The following UVRAG variants were observed in gnomAD, a reference collection of about 807,000 sequenced individuals.
UVRAG encodes the protein UV radiation resistance-associated gene protein.
UVRAG carries 19 observed loss-of-function variants against 78.0 expected under a neutral mutation model. The observed-to-expected ratio is 0.24, with a 90% CI of 0.17 to 0.36. The LOEUF is 0.36. Among genes scored for constraint, UVRAG ranks in the 10% least tolerant of loss-of-function variants. UVRAG has a pLI of 1.00. For missense variants in UVRAG, 740 were observed against 853.8 expected, an observed-to-expected ratio of 0.87 and a Z score of 1.66; for synonymous variants, 323 against 324.6, an observed-to-expected ratio of 1.00 and a Z score of 0.05.
chr11:75,965,115 T>C (rs2135216356), intron 7 of UVRAG, among the ~76,000 whole-genome samples: 1 of 152,172 alleles, frequency 6.6e-6, no homozygotes, highest in South Asian at 2.1e-4. Context: ...AGTTTGTCAA[T>C]TTCTACACAC....
chr11:75,947,837 A>G (rs1007998036), intron 6 of UVRAG, among the ~76,000 whole-genome samples: 3 of 152,204 alleles, frequency 2.0e-5, no homozygotes, highest in African/African-American at 7.2e-5. Flanking sequence ...TGAGAATTAA[A>G]TGAAATATCC....
Position 76,035,353 on chromosome 11 carries a change from ATTTCACTCAG to A in UVRAG, c.1226+18374_1226+18383del, listed in dbSNP as rs1290689566. On this transcript the variant is annotated intron_variant, in intron 12 of 14. Coordinates refer to ENST00000356136, the MANE Select transcript of UVRAG (RefSeq NM_003369.4). ...GAAGGAATTTGGTAAATAGCATGTT[ATTTCACTCAG>A]CAATTTCTATGAGAAAATGATAGAT... is the stretch of plus-strand genomic sequence containing the variant. Among the ~76,000 whole-genome samples the A allele has an allele frequency of 2.6e-5, 4 of 152,294 alleles. No homozygotes were observed. The East Asian group carries it at 7.7e-4, about 29-fold the overall frequency.
chr11:75,997,162 G>T (rs1009635783), intron 8 of UVRAG, among the ~76,000 whole-genome samples: 11 of 152,200 alleles, frequency 7.2e-5, no homozygotes, highest in Admixed American at 5.9e-4. Flanking sequence ...AGGCATTTCT[G>T]CAGGGAAGGA....
chr11:75,820,108 C>G (rs1945352690), intron 1 of UVRAG, among the ~76,000 whole-genome samples: 1 of 152,106 alleles, frequency 6.6e-6, no homozygotes, highest in South Asian at 2.1e-4. Flanking sequence ...TCCCTAGTAT[C>G]TAGGACTACA....
chr11:75,883,454 C>G (rs2134899726), intron 4 of UVRAG, among the ~76,000 whole-genome samples: 2 of 149,108 alleles, frequency 1.3e-5, no homozygotes, highest in Middle Eastern at 7.1e-3. Context: ...TGTAGAAAGT[C>G]AAAACTTATC....
chr11:76,070,284 T>A (rs1418824905), intron 13 of UVRAG, among the ~76,000 whole-genome samples: 1 of 152,054 alleles, frequency 6.6e-6, no homozygotes, highest in Non-Finnish European at 1.5e-5. Context: ...AGTAGGATAG[T>A]GATTCAGTGG....
intron 1 of UVRAG, among the ~76,000 whole-genome samples, chr11:75,822,297 A>G (rs1440689302): frequency 1.3e-5 from 2 of 152,132 alleles, no homozygotes; most frequent in Admixed American, 6.6e-5. Flanking sequence ...GTAGCATATG[A>G]TAGGAAAGGC....
intron 1 of UVRAG, among the ~76,000 whole-genome samples, chr11:75,824,814 C>T (rs1395490114): frequency 6.6e-6 from 1 of 151,412 alleles, no homozygotes; most frequent in African/African-American, 2.4e-5. Flanking sequence ...GCTGGGACTA[C>T]AGGCGCCTGC....
intron 7 of UVRAG, among the ~76,000 whole-genome samples, chr11:75,973,483 A>T (rs1177743707): frequency 1.3e-5 from 2 of 152,186 alleles, no homozygotes; most frequent in Admixed American, 6.5e-5. Flanking sequence ...TGTTAGGGTG[A>T]TGCTGGCTTC....
chr11:75,980,906 C>T (rs1012984412), intron 7 of UVRAG, among the ~76,000 whole-genome samples: 3 of 152,050 alleles, frequency 2.0e-5, no homozygotes, highest in Non-Finnish European at 4.4e-5. Context: ...GTCTCAAACT[C>T]CTGACTTCAG....
At chr11:76,017,549 G>C (rs1037296310) in intron 12 of UVRAG, among the ~76,000 whole-genome samples, 2 of 151,958 alleles carry the variant, frequency 1.3e-5, no homozygotes, top group African/African-American at 2.4e-5. Context: ...AATTCAAGAA[G>C]CACTAACAAA....
intron 8 of UVRAG, 191 bp downstream of exon 8, chr11:75,983,704 A>G (rs1949438723): frequency 1.4e-6 from 1 of 738,510 alleles, no homozygotes; most frequent in Non-Finnish European, 2.0e-6. Context: ...ATGTTTACAC[A>G]AGCTCAGATG....
intron 13 of UVRAG, among the ~76,000 whole-genome samples, chr11:76,096,045 G>A (rs1951780658): frequency 6.6e-6 from 1 of 152,142 alleles, no homozygotes; most frequent in African/African-American, 2.4e-5. Context: ...TGGAAGCAGA[G>A]GGTAGCACTT....
chr11:75,827,455 C>A (rs1419039708), intron 1 of UVRAG, among the ~76,000 whole-genome samples: 1 of 151,954 alleles, frequency 6.6e-6, no homozygotes, highest in Non-Finnish European at 1.5e-5. Flanking sequence ...ACTAAAAATA[C>A]AAAAAATTAG....
intron 13 of UVRAG, among the ~76,000 whole-genome samples, chr11:76,092,565 G>C (rs1218958567): frequency 6.6e-6 from 1 of 152,180 alleles, no homozygotes; most frequent in African/African-American, 2.4e-5. Flanking sequence ...TTGTGGTTTT[G>C]ATTTGCATTT....
At chr11:76,097,783 T>C (rs548482792) in intron 13 of UVRAG, among the ~76,000 whole-genome samples, 40 of 152,286 alleles carry the variant, frequency 2.6e-4, no homozygotes, top group African/African-American at 9.6e-4. Flanking sequence ...AGCTAGTTTA[T>C]ATAGCTAGTT....
intron 14 of UVRAG, among the ~76,000 whole-genome samples, chr11:76,125,584 C>G (rs1412382677): frequency 6.6e-6 from 1 of 152,218 alleles, no homozygotes; most frequent in African/African-American, 2.4e-5. Context: ...CCTTTGTGCA[C>G]TAACCCTCCA....
At chr11:75,921,424 G>A (rs1346959356) in intron 6 of UVRAG, among the ~76,000 whole-genome samples, 1 of 152,140 alleles carries the variant, frequency 6.6e-6, no homozygotes, top group Non-Finnish European at 1.5e-5. Context: ...TTTAAAAATT[G>A]AGTTGCTTGC....
In UVRAG at chr11:76,036,124, A is replaced by G. The variant is rs139588757; in HGVS notation, c.1226+19144A>G. The stretch of plus-strand genomic sequence containing the variant: ...ACTTAAAATTTACTTTGCTCAGAAT[A>G]TCTATTTAATGTTTAGTTCTCACTC... On this transcript the variant is annotated intron_variant, in intron 12 of 14. Coordinates refer to ENST00000356136, the MANE Select transcript of UVRAG (RefSeq NM_003369.4). 7.5e-3 allele frequency among the ~76,000 whole-genome samples: 1,148 copies of G among 152,350 alleles called. 8 individuals carry two copies. Among genetic ancestry groups the G allele is most frequent in the Non-Finnish European group, 0.012 (789 of 68,038 alleles).
Sources: allele counts gnomAD v4.1 joint callset (sites outside exome capture counted in the v4.1 genomes callset), GRCh38; gene constraint gnomAD v4.1.1; transcripts MANE v1.5; gene names NCBI Gene and HGNC (gene_info 2026-07-23, HGNC 2026-07-21).